Variants in PDE3B observed in about 807,000 individuals in gnomAD.
PDE3B encodes the protein cGMP-inhibited 3',5'-cyclic phosphodiesterase 3B.
Under a neutral mutation model 116.8 loss-of-function variants are expected in PDE3B, and 66 were observed. The ratio of observed to expected loss-of-function variants is 0.56; its 90% CI spans 0.46 to 0.69. PDE3B has a LOEUF of 0.69. Ranked by LOEUF, PDE3B falls within the 30% of genes least tolerant of loss-of-function variation. The pLI is 0.00. For missense variants in PDE3B, 1,384 were observed against 1,368.1 expected (o/e 1.01, Z -0.18); for synonymous variants, 595 against 533.6 (o/e 1.12, Z -1.59).
intron 2 of PDE3B, among the ~76,000 whole-genome samples, chr11:14,785,107 C>T (rs965808108): frequency 6.6e-6 from 1 of 152,018 alleles, no homozygotes; most frequent in African/African-American, 2.4e-5. Flanking sequence ...AAAATAGGTG[C>T]TGTTATATAC....
intron 1 of PDE3B, among the ~76,000 whole-genome samples, chr11:14,694,115 G>A (rs568904698): frequency 1.3e-5 from 2 of 152,292 alleles, no homozygotes; most frequent in South Asian, 4.1e-4. Context: ...AATTACTTCA[G>A]TGTCATGAAA....
intron 12 of PDE3B, among the ~76,000 whole-genome samples, chr11:14,849,807 A>T (rs1420241592): frequency 1.2e-4 from 19 of 152,168 alleles, no homozygotes; most frequent in Non-Finnish European, 1.9e-4. Flanking sequence ...CACACCAGTT[A>T]GAATGGCAAT....
intron 1 of PDE3B, among the ~76,000 whole-genome samples, chr11:14,649,999 G>GTT: frequency 6.6e-6 from 1 of 151,178 alleles, no homozygotes; most frequent in South Asian, 2.1e-4. Context: ...ACTTATTTAG[G>GTT]TTGTTGTTAT....
rs1853314174 is a variant in PDE3B, at chr11:14,644,477, C to T, written c.402C>T (p.Cys134=). ...CCTGTGCCTTCTTCTTCCTCACCTGCTTCCTCACCCGGACCAAGCGGGGAC... is the reference window on the plus strand; with the variant it reads ...CCTGTGCCTTCTTCTTCCTCACCTGTTTCCTCACCCGGACCAAGCGGGGAC... ...SIACAFFFLT[C]FLTRTKRGPG... is the part of the protein sequence containing the mutation. Residue 134 remains cysteine (C), a synonymous_variant, in exon 1 of 16, where the codon TGC becomes TGT. Coordinates refer to ENST00000282096, the MANE Select transcript of PDE3B (RefSeq NM_000922.4). The T allele has an allele frequency of 2.5e-6, 4 of 1,613,004 alleles. No individual in the cohort carries two copies. The South Asian group carries it at 3.3e-5, about 13-fold the overall frequency.
intron 1 of PDE3B, among the ~76,000 whole-genome samples, chr11:14,661,177 C>T (rs917065497): frequency 6.6e-6 from 1 of 152,098 alleles, no homozygotes; most frequent in Non-Finnish European, 1.5e-5. Flanking sequence ...GGGTATGTAC[C>T]CAAAGGATTA....
At chr11:14,761,077 T>C (rs1356930821) in intron 1 of PDE3B, among the ~76,000 whole-genome samples, 3 of 152,162 alleles carry the variant, frequency 2.0e-5, no homozygotes, top group Non-Finnish European at 2.9e-5. Context: ...TGTGCTAGAC[T>C]CTTTAATCAC....
At position 14,702,565 on chromosome 11, in the gene PDE3B, A is replaced by G. The variant is rs1265796156; in HGVS notation, c.978+57512A>G. ...TATCGTTTGGAGCAGCTGGAGCTCA[A>G]TACTGCTGGAGACTTTCAGAGAGAC... On this transcript the variant is annotated intron_variant, in intron 1 of 15. Transcript: ENST00000282096. Among the ~76,000 whole-genome samples the G allele has an allele frequency of 2.0e-5, 3 of 151,840 alleles. No homozygotes were observed. The Admixed American group carries it at 2.0e-4, about 10-fold the overall frequency.
chr11:14,729,968 T>A (rs997895001), intron 1 of PDE3B, among the ~76,000 whole-genome samples: 3 of 152,136 alleles, frequency 2.0e-5, no homozygotes, highest in Non-Finnish European at 2.9e-5. Flanking sequence ...GAGAGGGTTG[T>A]AGAACTAGGC....
chr11:14,759,953 C>A (rs1258699559), intron 1 of PDE3B, among the ~76,000 whole-genome samples: 1 of 152,240 alleles, frequency 6.6e-6, no homozygotes, highest in South Asian at 2.1e-4. Context: ...GTTGAAAATT[C>A]ATTATTTTGA....
chr11:14,852,351 G>C (rs1459109215), intron 12 of PDE3B, among the ~76,000 whole-genome samples: 1 of 152,064 alleles, frequency 6.6e-6, no homozygotes, highest in Non-Finnish European at 1.5e-5. Context: ...CTACCATGCC[G>C]GCCTACTCTA....
rs782654745 is a variant in PDE3B, at chr11:14,861,385, T to A, written c.2886+19T>A. ...TGAGCAGGTAAGTTGAAACCTGAGC[T>A]TGGTGGGATTTTTAAGAGCTGTCAT... On this transcript the variant is annotated intron_variant, in intron 14 of 15. Transcript: ENST00000282096. 3.1e-6 allele frequency: 5 copies of A among 1,609,140 alleles called. No individual in the cohort carries two copies. The South Asian group carries it at 5.5e-5, about 18-fold the overall frequency.
chr11:14,898,328 G>A, the PDE3B span, among the ~76,000 whole-genome samples: 4 of 152,208 alleles, frequency 2.6e-5, no homozygotes, highest in South Asian at 2.1e-4. Flanking sequence ...CTGGTCTGAA[G>A]GGCATAGTGC....
chr11:14,730,618 C>T (rs1313320494), intron 1 of PDE3B, among the ~76,000 whole-genome samples: 1 of 152,190 alleles, frequency 6.6e-6, no homozygotes, highest in African/African-American at 2.4e-5. Context: ...ATTACTTTAA[C>T]AAGTTTCTGC....
intron 1 of PDE3B, chr11:14,674,011 A>C: frequency 4.9e-6 from 7 of 1,425,958 alleles, no homozygotes; most frequent in Non-Finnish European, 6.9e-6. Context: ...AGGAAGTTAA[A>C]AGAGCTGTTT....
At chr11:14,880,211 T>C in the PDE3B span, 1 of 1,613,046 alleles carries the variant, frequency 6.2e-7, no homozygotes, top group Non-Finnish European at 8.5e-7. Context: ...GTTCCAGCAA[T>C]GATGAGTTCA....
chr11:14,771,165 A>C (rs956463701), intron 1 of PDE3B, among the ~76,000 whole-genome samples: 5 of 151,744 alleles, frequency 3.3e-5, no homozygotes, highest in Admixed American at 2.0e-4. Flanking sequence ...CTATGTACAA[A>C]ATGGCTATTA....
chr11:14,761,216 T>G (rs1393331474), intron 1 of PDE3B, among the ~76,000 whole-genome samples: 4 of 152,174 alleles, frequency 2.6e-5, no homozygotes. Flanking sequence ...TTGAAAGACT[T>G]TAATTATCAT....
chr11:14,801,098 A>G (rs915905984), intron 4 of PDE3B, among the ~76,000 whole-genome samples: 1 of 152,120 alleles, frequency 6.6e-6, no homozygotes, highest in African/African-American at 2.4e-5. Flanking sequence ...GGATTAGAAC[A>G]TGCTCCTTTA....
intron 12 of PDE3B, among the ~76,000 whole-genome samples, chr11:14,856,349 A>G (rs1446459646): frequency 6.6e-6 from 1 of 152,218 alleles, no homozygotes; most frequent in African/African-American, 2.4e-5. Flanking sequence ...GTGTAAACAC[A>G]GAAAAGAACA....
Sources: gnomAD v4.1 joint callset for allele counts (sites outside exome capture counted in the v4.1 genomes callset) on GRCh38, gnomAD v4.1.1 for gene constraint, MANE v1.5 for transcripts, NCBI Gene and HGNC (gene_info 2026-07-23, HGNC 2026-07-21) for gene names.